Variants in KCNB2 observed in about 807,000 individuals in gnomAD.
KCNB2 encodes delayed rectifier potassium channel protein.
Under a neutral mutation model 61.5 loss-of-function variants are expected in KCNB2, and 15 were observed. That is an observed-to-expected ratio of 0.24 (90% CI 0.16 to 0.38). The LOEUF is 0.38. Among genes scored for constraint, KCNB2 ranks in the 10% least tolerant of loss-of-function variants. The pLI is 1.00. For missense variants in KCNB2, 828 were observed against 1,125.2 expected (o/e 0.74, Z 3.78); for synonymous variants, 457 against 446.0 (o/e 1.02, Z -0.31).
chr8:72,745,061 GCT>G (rs1808034869), intron 2 of KCNB2, among the ~76,000 whole-genome samples: 1 of 152,180 alleles, frequency 6.6e-6, no homozygotes, highest in Admixed American at 6.5e-5. Flanking sequence ...TGCTACTGCA[GCT>G]CTCTCTTTCA....
At chr8:72,549,728 C>G (rs1436744197) in intron 1 of KCNB2, among the ~76,000 whole-genome samples, 2 of 152,190 alleles carry the variant, frequency 1.3e-5, no homozygotes. Flanking sequence ...ACATCCTTCA[C>G]CACACGCCTG....
At chr8:72,608,469 T>C (rs537255460) in intron 2 of KCNB2, among the ~76,000 whole-genome samples, 66 of 152,024 alleles carry the variant, frequency 4.3e-4, no homozygotes, top group Non-Finnish European at 6.5e-4. Flanking sequence ...AGAGAACATG[T>C]TGGGAGGCTA....
At chr8:72,563,438 C>T (rs1163745116) in intron 1 of KCNB2, among the ~76,000 whole-genome samples, 3 of 152,072 alleles carry the variant, frequency 2.0e-5, no homozygotes, top group Non-Finnish European at 2.9e-5. Flanking sequence ...GTTTTTATCT[C>T]CTGGAAGGTA....
At chr8:72,862,088 C>T (rs942564126) in intron 2 of KCNB2, among the ~76,000 whole-genome samples, 1 of 152,100 alleles carries the variant, frequency 6.6e-6, no homozygotes, top group African/African-American at 2.4e-5. Context: ...ATGAGAATTG[C>T]GCCACTGCAC....
chr8:72,921,631 G>C (rs897615181), intron 2 of KCNB2, among the ~76,000 whole-genome samples: 1 of 152,124 alleles, frequency 6.6e-6, no homozygotes, highest in African/African-American at 2.4e-5. Flanking sequence ...AAACCTAACT[G>C]TTTTAATATG....
chr8:72,834,974 G>T (rs895218022), intron 2 of KCNB2, among the ~76,000 whole-genome samples: 1 of 152,198 alleles, frequency 6.6e-6, no homozygotes, highest in African/African-American at 2.4e-5. Flanking sequence ...GGAGGAAGGG[G>T]ATAGGGTGAT....
chr8:72,745,619 G>A (rs759375485), intron 2 of KCNB2, among the ~76,000 whole-genome samples: 32 of 152,236 alleles, frequency 2.1e-4, no homozygotes, highest in Non-Finnish European at 3.5e-4. Context: ...AGTATGCAGC[G>A]ATTTGCCAAC....
intron 2 of KCNB2, among the ~76,000 whole-genome samples, chr8:72,779,956 A>G (rs1181103031): frequency 2.6e-5 from 4 of 151,986 alleles, no homozygotes; most frequent in Non-Finnish European, 5.9e-5. Context: ...TCCAATCACC[A>G]TGGACAGTGC....
chr8:72,650,939 T>C (rs554716375), intron 2 of KCNB2, among the ~76,000 whole-genome samples: 1 of 152,296 alleles, frequency 6.6e-6, no homozygotes, highest in Admixed American at 6.5e-5. Flanking sequence ...ATTTATTTAA[T>C]AGACGAATAC....
chr8:72,613,628 C>G (rs915522945), intron 2 of KCNB2, among the ~76,000 whole-genome samples: 2 of 152,198 alleles, frequency 1.3e-5, no homozygotes, highest in African/African-American at 4.8e-5. Flanking sequence ...CTAAGCTGTA[C>G]TACCAGAAGT....
At chr8:72,921,487 G>A (rs1041591830) in intron 2 of KCNB2, among the ~76,000 whole-genome samples, 2 of 152,036 alleles carry the variant, frequency 1.3e-5, no homozygotes, top group African/African-American at 2.4e-5. Context: ...CTGGTGTTTC[G>A]GATGTAAACA....
intron 2 of KCNB2, among the ~76,000 whole-genome samples, chr8:72,869,158 G>A (rs1380620745): frequency 6.6e-6 from 1 of 152,194 alleles, no homozygotes; most frequent in Non-Finnish European, 1.5e-5. Flanking sequence ...GTATGGTTGA[G>A]TTACCTGCCT....
chr8:72,779,364 G>A (rs1383130832), intron 2 of KCNB2, among the ~76,000 whole-genome samples: 1 of 150,940 alleles, frequency 6.6e-6, no homozygotes, highest in Non-Finnish European at 1.5e-5. Context: ...CCAAATATTT[G>A]CATGCAGGAC....
rs142931501 is a variant in KCNB2 at position 72,537,353 on chromosome 8, A to ACCGCCCTCCGCCCT, written c.-612_-599dup. ...ACAGACACACACCCACCAAGCACCC[A>ACCGCCCTCCGCCCT]CCGCCCTCCGCCCTCCGCCCTCCGC... On this transcript the variant is annotated 5_prime_UTR_variant, in exon 1 of 3. Coordinates refer to ENST00000523207, the MANE Select transcript of KCNB2 (RefSeq NM_004770.3). 4 of 148,850 alleles carry ACCGCCCTCCGCCCT rather than the reference A, an allele frequency of 2.7e-5. No homozygotes were observed. Among genetic ancestry groups the ACCGCCCTCCGCCCT allele is most frequent in the African/African-American group, 4.9e-5 (2 of 41,156 alleles). The allele number at this position is 148,850 out of a possible 1,614,324, so 9.2% of individuals were successfully genotyped here.
chr8:72,801,673 G>A (rs1809128361), intron 2 of KCNB2, among the ~76,000 whole-genome samples: 1 of 152,094 alleles, frequency 6.6e-6, no homozygotes, highest in Non-Finnish European at 1.5e-5. Context: ...AGTGAGGACT[G>A]TGATAGAGGT....
chr8:72,757,284 G>A (rs1204418489), intron 2 of KCNB2, among the ~76,000 whole-genome samples: 4 of 152,140 alleles, frequency 2.6e-5, no homozygotes, highest in African/African-American at 9.7e-5. Flanking sequence ...CAATGTGAAG[G>A]TCAATGGGGA....
At chr8:72,579,600 G>A (rs75527582) in intron 2 of KCNB2, among the ~76,000 whole-genome samples, 3,522 of 152,242 alleles carry the variant, frequency 0.023, 135 homozygotes, top group African/African-American at 0.08. Flanking sequence ...GGCTGTGCAA[G>A]TTAAGCTGGT....
At chr8:72,931,301 G>A (rs954899872) in intron 2 of KCNB2, among the ~76,000 whole-genome samples, 2 of 152,108 alleles carry the variant, frequency 1.3e-5, no homozygotes, top group African/African-American at 4.8e-5. Flanking sequence ...GGTTCCATAT[G>A]AACTTTAAGG....
At position 72,567,739 on chromosome 8, in the gene KCNB2, C is replaced by T; in HGVS notation, c.5C>T (p.Ala2Val). The stretch of plus-strand genomic sequence containing the variant: ...TGCGGCTTTGTCCAGTTCAAAATGG[C>T]AGAAAAGGCTCCCCCGGGCTTAAAC... M[A>V]EKAPPGLNRK... Residue 2 changes from alanine to valine, a missense_variant, in exon 2 of 3, where the codon GCA becomes GTA. Around this residue, in one of 4 missense-constraint regions of KCNB2, gnomAD observed 62 missense variants for 54.8 expected, o/e 1.13. Transcript: ENST00000523207. 6.4e-7 allele frequency: 1 copy of T among 1,553,036 alleles called. No homozygotes were observed. The highest frequency in any genetic ancestry group is 8.7e-7 in the Non-Finnish European group (1 of 1,153,222).
Sources: gnomAD v4.1 joint callset for allele counts (sites outside exome capture counted in the v4.1 genomes callset) on GRCh38, gnomAD v4.1.1 for gene constraint, gnomAD v4.1.1 regional missense constraint, MANE v1.5 for transcripts, NCBI Gene and HGNC (gene_info 2026-07-23, HGNC 2026-07-21) for gene names.